Variants in KIDINS220 observed in about 807,000 individuals in gnomAD.
KIDINS220 encodes the protein kinase D-interacting substrate of 220 kDa.
In KIDINS220, 63 loss-of-function variants were observed where a neutral mutation model predicts 157.6. The observed-to-expected ratio is 0.40, with a 90% CI of 0.33 to 0.49. The LOEUF is 0.49. Among genes scored for constraint, KIDINS220 ranks in the 20% least tolerant of loss-of-function variants. The probability of loss-of-function intolerance (pLI) is 0.66; values close to 1 mark genes in which losing one functional copy is unlikely to be tolerated. For missense variants in KIDINS220, 1,772 were observed against 2,171.2 expected, an observed-to-expected ratio of 0.82 and a Z score of 3.65; for synonymous variants, 732 against 783.6, an observed-to-expected ratio of 0.93 and a Z score of 1.10.
rs567175186 is a variant in KIDINS220 at position 8,785,990 on chromosome 2, A to G, written c.1980T>C (p.Phe660=). The G allele has an allele frequency of 4.3e-6, 7 of 1,611,666 alleles. No homozygotes were observed. In the South Asian group the frequency reaches 7.8e-5, roughly 18 times the overall value. ...KWKKTCCLPS[F]VIFLFIIGCI... is the part of the protein sequence containing the mutation. ...AGCCAATGATAAAAAGGAAGATGACAAAAGATGGGAGACAACATGTTTTTT... is the reference window on the plus strand; with the variant it reads ...AGCCAATGATAAAAAGGAAGATGACGAAAGATGGGAGACAACATGTTTTTT... The change falls in exon 17 of 30, where the codon TTT becomes TTC. Residue 660 remains phenylalanine, a synonymous_variant. Transcript: ENST00000256707.
In KIDINS220 at chr2:8,789,865, A is replaced by C. The variant is rs772815133; in HGVS notation, c.1621+15T>G. 5 of 1,556,324 alleles carry C rather than the reference A, an allele frequency of 3.2e-6. No homozygotes were observed. The highest frequency in any genetic ancestry group is 3.5e-6 in the Non-Finnish European group (4 of 1,155,374). On this transcript the variant is annotated intron_variant, in intron 14 of 29. Coordinates refer to ENST00000256707, the MANE Select transcript of KIDINS220 (RefSeq NM_020738.4). ...TTTTCTCCATTTTTGAAAAAGATAA[A>C]AAGCAAAGACTTACTAAAGAATATA...
intron 1 of KIDINS220, among the ~76,000 whole-genome samples, chr2:8,834,679 T>A (rs1424292566): frequency 6.6e-6 from 1 of 152,110 alleles, no homozygotes; most frequent in Admixed American, 6.5e-5. Context: ...CAGAACCCAG[T>A]ATCGGTAGAA....
chr2:8,757,202 T>C (rs1264825720), intron 22 of KIDINS220: 1 of 956,730 alleles, frequency 1.0e-6, no homozygotes, highest in Admixed American at 6.1e-5. Flanking sequence ...GGTTTGTTTT[T>C]TCCCAACAAA....
At chr2:8,823,587 A>G (rs1678318624) in intron 2 of KIDINS220, among the ~76,000 whole-genome samples, 1 of 152,202 alleles carries the variant, frequency 6.6e-6, no homozygotes, top group East Asian at 1.9e-4. Flanking sequence ...ATCTCGCATG[A>G]TGCTAAATTA....
rs2147943225 is a variant in KIDINS220, at chr2:8,731,249, T to C, written c.4787A>G (p.Asn1596Ser). The C allele has an allele frequency of 3.7e-6, 6 of 1,614,118 alleles. No homozygotes were observed. Among genetic ancestry groups the C allele is most frequent in the Middle Eastern group, 1.6e-4 (1 of 6,062 alleles). Residue 1596 changes from asparagine (N) to serine (S), a missense_variant, in exon 30 of 30, where the codon AAT (asparagine) becomes AGT (serine). Around this residue, in one of 3 missense-constraint regions of KIDINS220, gnomAD observed 793 missense variants for 885.5 expected, o/e 0.90. Transcript: ENST00000256707. This position sits in a 1 kb window ranked among gnomAD's most constrained non-coding sequence, Gnocchi z 5.2. ...SGVRSSESSPNHSLHNEVADD... is the reference protein window; with the variant it reads ...SGVRSSESSPSHSLHNEVADD... ...CGCCACTTCATTGTGCAGAGAGTGA[T>C]TGGGAGAACTTTCACTGGATCTCAC...
intron 22 of KIDINS220, among the ~76,000 whole-genome samples, chr2:8,756,282 G>T (rs1458726592): frequency 6.6e-6 from 1 of 152,090 alleles, no homozygotes; most frequent in Non-Finnish European, 1.5e-5. Context: ...ACTGTTCACT[G>T]AAGGTGTACA....
At chr2:8,772,529 T>C (rs1025457713) in intron 21 of KIDINS220, among the ~76,000 whole-genome samples, 2 of 151,982 alleles carry the variant, frequency 1.3e-5, no homozygotes, top group South Asian at 2.1e-4. Flanking sequence ...ATCCTAAGAA[T>C]ATATCTAGCC....
Position 8,798,214 on chromosome 2 carries a change from T to C in KIDINS220, c.987A>G (p.Glu329=). The change falls in exon 10 of 30, where the codon GAA becomes GAG. Residue 329 remains glutamate, a synonymous_variant. Coordinates refer to ENST00000256707, the MANE Select transcript of KIDINS220 (RefSeq NM_020738.4). The stretch of plus-strand genomic sequence containing the variant: ...ATGCCATTTATACCTTTGTGCATAT[T>C]TCAGTGTCAGGATTGCACTGTAAGA... The part of the protein sequence containing the change: ...RDILQCNPDT[E]ICTKDGETPL... 6.2e-7 allele frequency: 1 copy of C among 1,602,090 alleles called. No homozygotes were observed. Among genetic ancestry groups the C allele is most frequent in the Non-Finnish European group, 8.6e-7 (1 of 1,169,186 alleles).
Position 8,779,120 on chromosome 2 carries a change from T to G in KIDINS220, c.2390A>C (p.Lys797Thr). Residue 797 changes from lysine to threonine, a missense_variant, in exon 19 of 30, where the codon AAA becomes ACA. Around this residue, in one of 3 missense-constraint regions of KIDINS220, gnomAD observed 725 missense variants for 1,017.1 expected, o/e 0.71. Coordinates refer to ENST00000256707, the MANE Select transcript of KIDINS220 (RefSeq NM_020738.4). ...TGCAAAAATGGCAATGAACGGGCCT[T>G]TTGAAAACAGAACTCGGACCTGTGG... is the stretch of plus-strand genomic sequence containing the variant. ...MLDTVRVLFS[K>T]GPFIAIFASD... The G allele has an allele frequency of 6.2e-7, 1 of 1,613,534 alleles. No individual in the cohort carries two copies.
chr2:8,731,735 T>C lies in KIDINS220; in HGVS notation c.4301A>G (p.Glu1434Gly). The change falls in exon 30 of 30, where the codon GAA becomes GGA. Residue 1434 changes from glutamate (E) to glycine (G), a missense_variant. Around this residue, in one of 3 missense-constraint regions of KIDINS220, gnomAD observed 793 missense variants for 885.5 expected, o/e 0.90. Transcript: ENST00000256707. This position sits in a 1 kb window ranked among gnomAD's most constrained non-coding sequence, Gnocchi z 5.2. ...GGSIHSNLEQ[E>G]KGKDSEPKPD... The stretch of plus-strand genomic sequence containing the variant: ...CTTTGGTTCACTATCCTTCCCCTTT[T>C]CTTGCTCTAGGTTTGAATGAATAGA... 6.2e-7 allele frequency: 1 copy of C among 1,614,222 alleles called. No individual in the cohort carries two copies. Among genetic ancestry groups the C allele is most frequent in the East Asian group, 2.2e-5 (1 of 44,890 alleles).
chr2:8,738,980 T>G (rs1164315836), intron 26 of KIDINS220, among the ~76,000 whole-genome samples: 2 of 152,174 alleles, frequency 1.3e-5, no homozygotes, highest in African/African-American at 4.8e-5. Flanking sequence ...ATCTCTCTAC[T>G]TCCGATTGTG....
intron 6 of KIDINS220, among the ~76,000 whole-genome samples, chr2:8,807,703 A>G (rs567009274): frequency 3.9e-4 from 59 of 152,208 alleles, no homozygotes; most frequent in Non-Finnish European, 7.2e-4. Context: ...ACTCCATGAC[A>G]GACAGAATCA....
chr2:8,802,416 A>C (rs1052319664), intron 8 of KIDINS220, among the ~76,000 whole-genome samples: 1 of 152,216 alleles, frequency 6.6e-6, no homozygotes, highest in African/African-American at 2.4e-5. Flanking sequence ...TAAAGTCAAC[A>C]AAGCCTGCTG....
chr2:8,759,460 T>G (rs1226275810), intron 22 of KIDINS220, among the ~76,000 whole-genome samples: 3 of 151,360 alleles, frequency 2.0e-5, no homozygotes, highest in Non-Finnish European at 4.4e-5. Flanking sequence ...TGTTTTTATA[T>G]GAAGGAAGGA....
At chr2:8,791,749 T>A (rs995639046) in intron 12 of KIDINS220, among the ~76,000 whole-genome samples, 1 of 151,974 alleles carries the variant, frequency 6.6e-6, no homozygotes. Context: ...TAGATAATAA[T>A]AGAAAAAGAA....
At position 8,778,941 on chromosome 2, in the gene KIDINS220, C is replaced by G; in HGVS notation, c.2569G>C (p.Val857Leu). ...RGLSNARKFL[V>L]TSATNGDVPC... ...ACGTCTCCATTTGTTGCTGAAGTTACGAGAAATTTTCTTGCATTGCTTAGT... is the reference window on the plus strand; with the variant it reads ...ACGTCTCCATTTGTTGCTGAAGTTAGGAGAAATTTTCTTGCATTGCTTAGT... The change falls in exon 19 of 30, where the codon GTA (valine) becomes CTA (leucine). Residue 857 changes from valine (V) to leucine (L), a missense_variant. Physicochemically the swap from Val to Leu is conservative, Grantham distance 32. Around this residue, in one of 3 missense-constraint regions of KIDINS220, gnomAD observed 725 missense variants for 1,017.1 expected, o/e 0.71. Transcript: ENST00000256707. The G allele has an allele frequency of 8.1e-6, 13 of 1,614,132 alleles. No individual in the cohort carries two copies. Among genetic ancestry groups the G allele is most frequent in the Non-Finnish European group, 1.1e-5 (13 of 1,180,018 alleles).
At chr2:8,728,715 T>A (rs548979255), downstream of KIDINS220, 2 of 301,530 alleles carry the variant, frequency 6.6e-6, no homozygotes, top group Non-Finnish European at 9.8e-6. Flanking sequence ...AAACGCTTCA[T>A]AAAGCACCAC....
chr2:8,828,317 G>A (rs546272157), intron 1 of KIDINS220, among the ~76,000 whole-genome samples: 21 of 152,276 alleles, frequency 1.4e-4, no homozygotes, highest in African/African-American at 5.1e-4. Context: ...AGTCTCACCG[G>A]ATGTGGGATG....
intron 2 of KIDINS220, 47 bp from the exon 3 acceptor site, chr2:8,818,840 T>C (rs746705587): frequency 2.0e-6 from 2 of 1,014,042 alleles, no homozygotes; most frequent in Non-Finnish European, 3.0e-6. Context: ...TACTGCACTT[T>C]TACTAAAACA....
Sources: gnomAD v4.1 joint callset for allele counts (sites outside exome capture counted in the v4.1 genomes callset) on GRCh38, gnomAD v4.1.1 for gene constraint, gnomAD v4.1.1 regional missense constraint, Gnocchi (gnomAD v3.1) non-coding constraint, MANE v1.5 for transcripts, NCBI Gene and HGNC (gene_info 2026-07-23, HGNC 2026-07-21) for gene names.